Variants in PRKG1 observed in about 807,000 individuals in gnomAD.
The protein encoded by PRKG1 is protein kinase cGMP-dependent 1.
Under a neutral mutation model 88.1 loss-of-function variants are expected in PRKG1, and 35 were observed. The ratio of observed to expected loss-of-function variants is 0.40; its 90% CI spans 0.30 to 0.53. The LOEUF (loss-of-function observed/expected upper bound fraction) is 0.53. Ranked by LOEUF, PRKG1 falls within the 20% of genes least tolerant of loss-of-function variation. The pLI is 0.59. For missense variants in PRKG1, 540 were observed against 839.8 expected (o/e 0.64, Z 4.41); for synonymous variants, 303 against 292.5 (o/e 1.04, Z -0.37).
intron 2 of PRKG1, among the ~76,000 whole-genome samples, chr10:51,206,460 C>G (rs547319696): frequency 6.6e-6 from 1 of 151,212 alleles, no homozygotes; most frequent in African/African-American, 2.4e-5. Context: ...CCACTGCACT[C>G]CAGCCTGGGT....
chr10:51,566,839 C>G (rs924994763), intron 3 of PRKG1, among the ~76,000 whole-genome samples: 7 of 151,558 alleles, frequency 4.6e-5, no homozygotes, highest in African/African-American at 1.7e-4. Context: ...TAAGTTCCCA[C>G]TTCAATATGA....
chr10:51,209,087 C>T lies in PRKG1; in HGVS notation c.478+55757C>T, dbSNP rs114317879. On this transcript the variant is annotated intron_variant, in intron 2 of 17. Transcript: ENST00000373980. ...ATGGAAAATTTTGGTTTTCTTAAGC[C>T]ACCCATGATATATTCACTTTCAGGT... Among the ~76,000 whole-genome samples the T allele has an allele frequency of 5.7e-3, 867 of 152,250 alleles. 7 individuals carry two copies. The highest frequency in any genetic ancestry group is 0.02 in the African/African-American group (835 of 41,536).
At chr10:52,109,050 A>T (rs1847494060) in intron 7 of PRKG1, among the ~76,000 whole-genome samples, 1 of 150,666 alleles carries the variant, frequency 6.6e-6, no homozygotes, top group Non-Finnish European at 1.5e-5. Context: ...CTGGTCTTGA[A>T]CTCCTGACCT....
chr10:52,069,503 C>T (rs1846440577), intron 7 of PRKG1, among the ~76,000 whole-genome samples: 1 of 152,030 alleles, frequency 6.6e-6, no homozygotes, highest in Non-Finnish European at 1.5e-5. Context: ...CTCCTCCAGC[C>T]TGTGAGCCTG....
intron 5 of PRKG1, among the ~76,000 whole-genome samples, chr10:51,960,948 C>T (rs1004592191): frequency 6.6e-6 from 1 of 152,058 alleles, no homozygotes; most frequent in Non-Finnish European, 1.5e-5. Context: ...TGCTTTTTAG[C>T]GACAGCAAGT....
chr10:52,242,433 A>T (rs1564529336), intron 9 of PRKG1, among the ~76,000 whole-genome samples: 1 of 152,242 alleles, frequency 6.6e-6, no homozygotes, highest in Non-Finnish European at 1.5e-5. Context: ...GTTTGAATAC[A>T]TATATGAGAT....
At chr10:51,781,692 A>G (rs998962390) in intron 3 of PRKG1, among the ~76,000 whole-genome samples, 1 of 152,154 alleles carries the variant, frequency 6.6e-6, no homozygotes, top group African/African-American at 2.4e-5. Context: ...TGGAATTAGC[A>G]CTACTTCTGT....
At chr10:51,258,033 A>G (rs1227079948) in intron 2 of PRKG1, among the ~76,000 whole-genome samples, 1 of 152,142 alleles carries the variant, frequency 6.6e-6, no homozygotes, top group Non-Finnish European at 1.5e-5. Flanking sequence ...CAAGGCAGGA[A>G]GAAGGTGGGG....
chr10:51,784,300 C>T (rs1235220764), intron 3 of PRKG1, among the ~76,000 whole-genome samples: 1 of 152,006 alleles, frequency 6.6e-6, no homozygotes, highest in South Asian at 2.1e-4. Flanking sequence ...GAGTAGCCTT[C>T]CTGAAAATTG....
intron 3 of PRKG1, among the ~76,000 whole-genome samples, chr10:51,517,945 C>T (rs1167055012): frequency 6.6e-6 from 1 of 152,140 alleles, no homozygotes; most frequent in Admixed American, 6.5e-5. Context: ...CCCTAAGGAA[C>T]CTCTGGTTAA....
chr10:52,195,579 C>T (rs1839483131), intron 9 of PRKG1, among the ~76,000 whole-genome samples: 1 of 152,050 alleles, frequency 6.6e-6, no homozygotes, highest in African/African-American at 2.4e-5. Flanking sequence ...AAAACACAAG[C>T]GTGTTTTTAA....
chr10:51,848,835 T>C (rs1234087293), intron 4 of PRKG1, among the ~76,000 whole-genome samples: 1 of 149,822 alleles, frequency 6.7e-6, no homozygotes, highest in Non-Finnish European at 1.5e-5. Context: ...GCAAAGAGTC[T>C]ATGGTTTGCG....
chr10:51,720,050 A>G (rs1841974940), intron 3 of PRKG1, among the ~76,000 whole-genome samples: 1 of 152,184 alleles, frequency 6.6e-6, no homozygotes, highest in African/African-American at 2.4e-5. Flanking sequence ...GGATTGGCTG[A>G]ATGGAATTGG....
At chr10:51,156,704 C>T (rs973769323) in intron 2 of PRKG1, among the ~76,000 whole-genome samples, 1 of 151,800 alleles carries the variant, frequency 6.6e-6, no homozygotes, top group Non-Finnish European at 1.5e-5. Context: ...GTGCTAATAG[C>T]CTTATGTCAA....
At chr10:51,557,340 C>T (rs1837339082) in intron 3 of PRKG1, among the ~76,000 whole-genome samples, 1 of 145,540 alleles carries the variant, frequency 6.9e-6, no homozygotes, top group East Asian at 2.7e-4. Context: ...CCGGCATACA[C>T]CACCACCCCC....
At chr10:51,054,737 G>A (rs1313273887) in intron 1 of PRKG1, among the ~76,000 whole-genome samples, 1 of 152,084 alleles carries the variant, frequency 6.6e-6, no homozygotes, top group Non-Finnish European at 1.5e-5. Context: ...AAATTCTGTA[G>A]CTCTGGAGTC....
chr10:51,973,868 C>T (rs1389479690), intron 5 of PRKG1, among the ~76,000 whole-genome samples: 1 of 151,998 alleles, frequency 6.6e-6, no homozygotes, highest in Non-Finnish European at 1.5e-5. Flanking sequence ...CATCATGCTG[C>T]CTGGTTTTGT....
chr10:51,777,420 C>T (rs1838469156), intron 3 of PRKG1, among the ~76,000 whole-genome samples: 1 of 152,006 alleles, frequency 6.6e-6, no homozygotes, highest in African/African-American at 2.4e-5. Context: ...GCATTCTGTG[C>T]ATCTATCATT....
chr10:51,008,153 G>T (rs1842959284), intron 1 of PRKG1, among the ~76,000 whole-genome samples: 1 of 152,190 alleles, frequency 6.6e-6, no homozygotes, highest in Admixed American at 6.5e-5. Context: ...TCAAACTGTA[G>T]TACGTATAAA....
Sources: gnomAD v4.1 joint callset for allele counts (sites outside exome capture counted in the v4.1 genomes callset) on GRCh38, gnomAD v4.1.1 for gene constraint, MANE v1.5 for transcripts, NCBI Gene and HGNC (gene_info 2026-07-23, HGNC 2026-07-21) for gene names.